The following PDE1A variants were observed in gnomAD, a reference collection of about 807,000 sequenced individuals.
The protein encoded by PDE1A is phosphodiesterase 1A, also known as dual specificity calcium/calmodulin-dependent 3',5'-cyclic nucleotide phosphodiesterase 1A.
A neutral mutation model predicts 61.7 loss-of-function variants in PDE1A; 35 were observed. The observed-to-expected ratio is 0.57, with a 90% CI of 0.43 to 0.75. The LOEUF (loss-of-function observed/expected upper bound fraction) is 0.75. PDE1A is among the 30% of genes least tolerant of loss of function. PDE1A has a pLI of 0.00. For missense variants in PDE1A, 597 were observed against 630.6 expected (o/e 0.95, Z 0.57); for synonymous variants, 232 against 213.2 (o/e 1.09, Z -0.77).
At chr2:182,187,504 G>A (rs1685310951) in intron 11 of PDE1A, among the ~76,000 whole-genome samples, 1 of 152,126 alleles carries the variant, frequency 6.6e-6, no homozygotes, top group Non-Finnish European at 1.5e-5. Context: ...AGAATAGCTG[G>A]AGGTAGGCTT....
exon 10 of PDE1A, chr2:182,201,455 T>C: frequency 6.2e-7 from 1 of 1,613,870 alleles, no homozygotes; most frequent in Non-Finnish European, 8.5e-7. Context: ...GAAAAACTCC[T>C]CCATTAGGGC....
chr2:182,604,027 A>T, the PDE1A span, among the ~76,000 whole-genome samples: 90,456 of 150,888 alleles, frequency 0.6, 28,537 homozygotes, highest in African/African-American at 0.79. Flanking sequence ...ATTTAGTTTT[A>T]AAAAAAAAAT....
chr2:182,571,889 TA>T, the PDE1A span, among the ~76,000 whole-genome samples: 5 of 152,252 alleles, frequency 3.3e-5, no homozygotes, highest in East Asian at 9.6e-4. Context: ...AAGGTCCTTT[TA>T]AAAATTGACC....
chr2:182,208,172 C>T (rs1392823267), intron 7 of PDE1A, among the ~76,000 whole-genome samples: 2 of 152,126 alleles, frequency 1.3e-5, no homozygotes, highest in East Asian at 3.9e-4. Flanking sequence ...AAGAGGGCTA[C>T]TGTATTAGTC....
the PDE1A span, among the ~76,000 whole-genome samples, chr2:182,650,757 C>A: frequency 6.6e-6 from 1 of 152,116 alleles, no homozygotes; most frequent in African/African-American, 2.4e-5. Flanking sequence ...TTAATTGTAT[C>A]CTCGGCATTA....
chr2:182,653,405 G>T, the PDE1A span, among the ~76,000 whole-genome samples: 2 of 151,984 alleles, frequency 1.3e-5, no homozygotes, highest in African/African-American at 2.4e-5. Flanking sequence ...TAATCATTTG[G>T]TTTTTTTCGA....
At chr2:182,277,393 C>T (rs1273234183) in intron 1 of PDE1A, among the ~76,000 whole-genome samples, 1 of 152,068 alleles carries the variant, frequency 6.6e-6, no homozygotes, top group African/African-American at 2.4e-5. Flanking sequence ...GCGGGTTCCC[C>T]CGATAAGCAA....
intron 1 of PDE1A, among the ~76,000 whole-genome samples, chr2:182,373,011 G>T (rs1027099490): frequency 6.6e-6 from 1 of 152,242 alleles, no homozygotes; most frequent in Non-Finnish European, 1.5e-5. Context: ...CCTGTGCACT[G>T]GGACCCTATG....
chr2:182,608,548 T>C, the PDE1A span, among the ~76,000 whole-genome samples: 1 of 152,152 alleles, frequency 6.6e-6, no homozygotes, highest in Non-Finnish European at 1.5e-5. Context: ...GGCCCGGCAC[T>C]CGGAGCCGCG....
chr2:182,343,726 C>A (rs1301648872), intron 1 of PDE1A, among the ~76,000 whole-genome samples: 1 of 151,952 alleles, frequency 6.6e-6, no homozygotes, highest in African/African-American at 2.4e-5. Flanking sequence ...TTTATGATTT[C>A]TTATATTTAG....
chr2:182,250,824 T>G (rs1691345648), intron 2 of PDE1A, among the ~76,000 whole-genome samples: 2 of 152,136 alleles, frequency 1.3e-5, no homozygotes, highest in Admixed American at 1.3e-4. Flanking sequence ...ACGGAGTGCT[T>G]GGTGCCTCCT....
chr2:182,603,087 T>C, the PDE1A span, among the ~76,000 whole-genome samples: 1 of 152,130 alleles, frequency 6.6e-6, no homozygotes, highest in Non-Finnish European at 1.5e-5. Context: ...TGGTCATCTT[T>C]GACATTAATT....
chr2:182,691,937 T>C, the PDE1A span, among the ~76,000 whole-genome samples: 1 of 152,142 alleles, frequency 6.6e-6, no homozygotes, highest in East Asian at 1.9e-4. Context: ...TCATCATCAC[T>C]GGCAATCAGA....
chr2:182,548,857 A>G, the PDE1A span, among the ~76,000 whole-genome samples: 1 of 152,192 alleles, frequency 6.6e-6, no homozygotes, highest in Non-Finnish European at 1.5e-5. Context: ...ATGTCCTCTA[A>G]GTGTGTGCAG....
At chr2:182,559,406 T>C in the PDE1A span, among the ~76,000 whole-genome samples, 1 of 152,092 alleles carries the variant, frequency 6.6e-6, no homozygotes, top group Non-Finnish European at 1.5e-5. Flanking sequence ...AAAGATATAA[T>C]CATGATTTTA....
At chr2:182,457,896 C>A (rs1404600898) in intron 2 of PDE1A, among the ~76,000 whole-genome samples, 1 of 151,954 alleles carries the variant, frequency 6.6e-6, no homozygotes, top group Non-Finnish European at 1.5e-5. Context: ...TGAGCATTAA[C>A]AATTCATTAG....
the PDE1A span, among the ~76,000 whole-genome samples, chr2:182,575,735 AAACTT>A: frequency 6.8e-6 from 1 of 146,340 alleles, no homozygotes; most frequent in Non-Finnish European, 1.5e-5. Context: ...ATATATATAA[AAACTT>A]AATACTACAT....
intron 2 of PDE1A, among the ~76,000 whole-genome samples, chr2:182,247,782 C>CTAA (rs1559248986): frequency 3.9e-5 from 6 of 152,070 alleles, no homozygotes; most frequent in African/African-American, 1.2e-4. Flanking sequence ...AAGATTATGC[C>CTAA]ACATGTAAAA....
chr2:182,593,453 TC>T, the PDE1A span, among the ~76,000 whole-genome samples: 1 of 152,178 alleles, frequency 6.6e-6, no homozygotes, highest in Non-Finnish European at 1.5e-5. Context: ...GCCCCATCAA[TC>T]CACTACTGTT....
Sources: gnomAD v4.1 joint callset for allele counts (sites outside exome capture counted in the v4.1 genomes callset) on GRCh38, gnomAD v4.1.1 for gene constraint, MANE v1.5 for transcripts, NCBI Gene and HGNC (gene_info 2026-07-23, HGNC 2026-07-21) for gene names.